ATRX: variants seen among roughly 807,000 people sequenced by gnomAD.
ATRX encodes chromatin remodeler ATRX.
Under a neutral mutation model 172.6 loss-of-function variants are expected in ATRX, and 12 were observed. The ratio of observed to expected loss-of-function variants is 0.07; its 90% CI spans 0.04 to 0.11. The LOEUF (loss-of-function observed/expected upper bound fraction) is 0.11, where lower values mean the gene tolerates loss of function less well. Among genes scored for constraint, ATRX ranks in the 10% least tolerant of loss-of-function variants. The pLI is 1.00. For synonymous variants in ATRX, 674 were observed against 594.7 expected (o/e 1.13, Z -1.94); for missense variants, 1,368 against 1,767.4 (o/e 0.77, Z 4.05).
intron 6 of ATRX, among the ~76,000 whole-genome samples, chrX:77,693,454 T>C (rs1475822753): frequency 4.5e-5 from 5 of 112,033 alleles, no homozygotes; most frequent in Non-Finnish European, 9.4e-5. Context: ...TGTACGTCAC[T>C]CTATCCAACT....
At position 77,683,819 on chromosome X, in the gene ATRX, T is replaced by C. The variant is rs1557141681; in HGVS notation, c.1437A>G (p.Pro479=). The part of the protein sequence containing the change: ...VDSEHMHQNV[P]TEEQRTNKST... ...TTTTATTTGTTCTTTGTTCCTCTGTTGGAACATTCTGATGCATGTGCTCAC... is the reference window on the plus strand; with the variant it reads ...TTTTATTTGTTCTTTGTTCCTCTGTCGGAACATTCTGATGCATGTGCTCAC... Residue 479 remains proline, a synonymous_variant, in exon 9 of 35, where the codon CCA becomes CCG. Transcript: ENST00000373344. The C allele has an allele frequency of 5.0e-6, 6 of 1,207,697 alleles. No homozygotes were observed. The highest frequency in any genetic ancestry group is 1.7e-5 in the African/African-American group (1 of 57,329).
At chrX:77,719,833 C>G (rs2073653074) in intron 1 of ATRX, among the ~76,000 whole-genome samples, 1 of 111,424 alleles carries the variant, frequency 9.0e-6, no homozygotes, top group African/African-American at 3.3e-5. Context: ...CCAAGCAGAC[C>G]TAACAGACAT....
chrX:77,678,294 T>C (rs1357030343), intron 9 of ATRX, among the ~76,000 whole-genome samples: 2 of 110,098 alleles, frequency 1.8e-5, no homozygotes, highest in Non-Finnish European at 3.8e-5. Context: ...ACAATAAATA[T>C]CTCATTCAAA....
chrX:77,678,058 T>A (rs2070989003), intron 9 of ATRX, among the ~76,000 whole-genome samples: 1 of 110,297 alleles, frequency 9.1e-6, no homozygotes, highest in Admixed American at 9.6e-5. Flanking sequence ...AATACAAAAA[T>A]TAGCCAATGT....
At chrX:77,577,543 T>C (rs1034156326) in intron 27 of ATRX, among the ~76,000 whole-genome samples, 12 of 111,477 alleles carry the variant, frequency 1.1e-4, no homozygotes, top group Non-Finnish European at 2.1e-4. Flanking sequence ...CAAATATTTT[T>C]CCCATATGGT....
At chrX:77,612,421 G>T (rs1162791797) in intron 22 of ATRX, among the ~76,000 whole-genome samples, 5 of 108,274 alleles carry the variant, frequency 4.6e-5, no homozygotes, top group Non-Finnish European at 7.6e-5. Context: ...CCTGTTGGGG[G>T]GTGAGGGGCA....
At position 77,725,443 on chromosome X, in the gene ATRX, C is replaced by T. The variant is rs113267929; in HGVS notation, c.21-8200G>A. ...TATGGAGAAAGCTGAAACTGGATCC[C>T]TTCCTTACACCTTACACAAAAATTA... On this transcript the variant is annotated intron_variant, in intron 1 of 34. Transcript: ENST00000373344. Among the ~76,000 whole-genome samples, 213 of 112,017 alleles carry T rather than the reference C, an allele frequency of 1.9e-3. 2 individuals carry two copies. The highest frequency in any genetic ancestry group is 6.5e-3 in the African/African-American group (200 of 30,908).
chrX:77,698,279 A>AG (rs1336558017), intron 3 of ATRX, among the ~76,000 whole-genome samples: 1 of 111,385 alleles, frequency 9.0e-6, no homozygotes, highest in Non-Finnish European at 1.9e-5. Context: ...ACAACCATGG[A>AG]GTTCATGCCC....
intron 22 of ATRX, among the ~76,000 whole-genome samples, chrX:77,611,786 G>C (rs1557094144): frequency 9.0e-6 from 1 of 111,284 alleles, no homozygotes; most frequent in East Asian, 2.8e-4. Flanking sequence ...TCACCACAAA[G>C]AAATGACAAG....
chrX:77,748,727 C>T (rs2075186644), intron 1 of ATRX, among the ~76,000 whole-genome samples: 1 of 109,443 alleles, frequency 9.1e-6, no homozygotes, highest in Admixed American at 9.8e-5. Flanking sequence ...GCTGGCATTA[C>T]AGGCGTGTGC....
At chrX:77,521,643 T>C (rs2063236214) in intron 32 of ATRX, 145 bp from the exon 33 acceptor site, 1 of 449,045 alleles carries the variant, frequency 2.2e-6, no homozygotes, top group Non-Finnish European at 3.9e-6. Flanking sequence ...TCAGTATCAA[T>C]AAAGTGGAGT....
chrX:77,671,912 CAT>C (rs1448039354), intron 10 of ATRX, among the ~76,000 whole-genome samples: 2 of 110,606 alleles, frequency 1.8e-5, no homozygotes, highest in Non-Finnish European at 3.8e-5. Flanking sequence ...CACTACACAT[CAT>C]ATGTCTTTCC....
At chrX:77,660,613 T>A (rs1047002416) in intron 12 of ATRX, among the ~76,000 whole-genome samples, 25 of 109,469 alleles carry the variant, frequency 2.3e-4, no homozygotes, top group African/African-American at 8.2e-4. Context: ...ATAATAATAA[T>A]AAAAAAGAAA....
intron 2 of ATRX, among the ~76,000 whole-genome samples, chrX:77,710,208 A>G (rs782361833): frequency 2.7e-5 from 3 of 109,218 alleles, no homozygotes; most frequent in Non-Finnish European, 5.7e-5. Flanking sequence ...CTGAAGCAGG[A>G]GAATCACTTG....
At chrX:77,594,010 C>T in intron 25 of ATRX, 161 bp from the exon 26 acceptor site, 2 of 463,784 alleles carry the variant, frequency 4.3e-6, no homozygotes, top group Non-Finnish European at 7.5e-6. Context: ...CACGCACATA[C>T]AGCACAGAAG....
rs2148623481 is a variant in ATRX, at chrX:77,683,852, C to A, written c.1404G>T (p.Gln468His). 8.3e-7 allele frequency: 1 copy of A among 1,210,306 alleles called. No individual in the cohort carries two copies. The change falls in exon 9 of 35, where the codon CAG becomes CAT. Residue 468 changes from glutamine to histidine, a missense_variant. Coordinates refer to ENST00000373344, the MANE Select transcript of ATRX (RefSeq NM_000489.6). ...SKSEAKLSRK[Q>H]VDSEHMHQNV... is the part of the protein sequence containing the mutation. ...TCTGATGCATGTGCTCACTATCTAC[C>A]TGTTTTCTTGAAAGTTTAGCTTCTG...
intron 19 of ATRX, among the ~76,000 whole-genome samples, chrX:77,627,972 G>T (rs782173804): frequency 9.0e-6 from 1 of 111,563 alleles, no homozygotes; most frequent in Non-Finnish European, 1.9e-5. Context: ...ATATATATCA[G>T]ATAGGAGGGT....
At chrX:77,582,121 TG>T (rs2065843365) in intron 27 of ATRX, among the ~76,000 whole-genome samples, 1 of 111,422 alleles carries the variant, frequency 9.0e-6, no homozygotes. Flanking sequence ...AATCAGAGGC[TG>T]GTCGCGGTGG....
In ATRX at chrX:77,592,536, G is replaced by T. The variant is rs1217150810; in HGVS notation, c.6110+1160C>A. Among the ~76,000 whole-genome samples, 5 of 111,283 alleles carry T rather than the reference G, an allele frequency of 4.5e-5. No individual in the cohort carries two copies. In the Admixed American group the frequency reaches 4.8e-4, roughly 11 times the overall value. ...TTTAAAAATATGTTTTTGGAGGCCG[G>T]GCGTGGTGTCTCACGCCTGTAATCC... On this transcript the variant is annotated intron_variant, in intron 26 of 34. Transcript: ENST00000373344.
Sources: allele counts gnomAD v4.1 joint callset (sites outside exome capture counted in the v4.1 genomes callset), GRCh38; gene constraint gnomAD v4.1.1; transcripts MANE v1.5; gene names NCBI Gene and HGNC (gene_info 2026-07-23, HGNC 2026-07-21).